RRM2: variants seen among roughly 807,000 people sequenced by gnomAD.
RRM2 encodes ribonucleoside-diphosphate reductase subunit M2.
RRM2 carries 6 observed loss-of-function variants against 45.9 expected under a neutral mutation model. The ratio of observed to expected loss-of-function variants is 0.13; its 90% CI spans 0.07 to 0.26. The LOEUF (loss-of-function observed/expected upper bound fraction) is 0.26. RRM2 is among the 10% of genes least tolerant of loss of function. RRM2 has a pLI of 1.00. For missense variants in RRM2, 343 were observed against 489.5 expected, an observed-to-expected ratio of 0.70 and a Z score of 2.82; for synonymous variants, 177 against 173.0, an observed-to-expected ratio of 1.02 and a Z score of -0.18.
At chr2:10,193,492 A>C (rs1664352555) in intron 3 of RRM2, among the ~76,000 whole-genome samples, 1 of 152,192 alleles carries the variant, frequency 6.6e-6, no homozygotes, top group Admixed American at 6.5e-5. Flanking sequence ...ACTCCTCTGC[A>C]AACAGCCTCT....
intron 3 of RRM2, among the ~76,000 whole-genome samples, chr2:10,203,152 G>A (rs943120802): frequency 1.3e-5 from 2 of 152,188 alleles, no homozygotes; most frequent in Non-Finnish European, 2.9e-5. Context: ...CATCTGGCTC[G>A]GAAAGCAGTA....
At chr2:10,187,327 T>A (rs1045949738) in intron 3 of RRM2, among the ~76,000 whole-genome samples, 1 of 152,172 alleles carries the variant, frequency 6.6e-6, no homozygotes. Context: ...GGACCCTCCT[T>A]CCTACCTCTG....
intron 3 of RRM2, among the ~76,000 whole-genome samples, chr2:10,189,099 G>A (rs1664229731): frequency 1.3e-5 from 2 of 152,004 alleles, no homozygotes; most frequent in Non-Finnish European, 2.9e-5. Context: ...GCACAGGAGG[G>A]CTAAGCGAGG....
intron 3 of RRM2, among the ~76,000 whole-genome samples, chr2:10,144,198 G>A (rs777693275): frequency 7.9e-5 from 12 of 152,226 alleles, no homozygotes; most frequent in East Asian, 1.9e-4. Context: ...ACTCTGGGCC[G>A]GGTCTGGGGC....
At chr2:10,160,456 C>T (rs551155020) in intron 3 of RRM2, among the ~76,000 whole-genome samples, 71 of 152,304 alleles carry the variant, frequency 4.7e-4, no homozygotes, top group Admixed American at 1.2e-3. Flanking sequence ...TTGAGCAAAT[C>T]GACCGAAGGT....
At chr2:10,152,921 T>C (rs890755732) in intron 3 of RRM2, among the ~76,000 whole-genome samples, 2 of 152,166 alleles carry the variant, frequency 1.3e-5, no homozygotes, top group African/African-American at 4.8e-5. Flanking sequence ...AGAACTACCA[T>C]ATGACTGACC....
chr2:10,183,098 G>A (rs1281914700), intron 3 of RRM2, among the ~76,000 whole-genome samples: 1 of 152,208 alleles, frequency 6.6e-6, no homozygotes, highest in East Asian at 1.9e-4. Flanking sequence ...TTGAGCCCTG[G>A]AATTCGAGAC....
At chr2:10,152,334 T>C (rs1056309252) in intron 3 of RRM2, among the ~76,000 whole-genome samples, 2 of 152,190 alleles carry the variant, frequency 1.3e-5, no homozygotes, top group African/African-American at 4.8e-5. Context: ...ATCAGATATA[T>C]GACTTGTAAA....
At chr2:10,182,446 G>A (rs1475111042) in intron 3 of RRM2, among the ~76,000 whole-genome samples, 2 of 152,100 alleles carry the variant, frequency 1.3e-5, no homozygotes, top group African/African-American at 2.4e-5. Flanking sequence ...CTCACAGGTC[G>A]TTTTAAGCCA....
chr2:10,178,945 C>T (rs913870912), intron 3 of RRM2, among the ~76,000 whole-genome samples: 5 of 152,102 alleles, frequency 3.3e-5, no homozygotes, highest in South Asian at 2.1e-4. Context: ...CAACAGACAC[C>T]GATTCTGCTG....
chr2:10,132,745 A>G (rs1662923805), downstream of RRM2, among the ~76,000 whole-genome samples: 1 of 152,170 alleles, frequency 6.6e-6, no homozygotes, highest in Non-Finnish European at 1.5e-5. Flanking sequence ...AGGTCATTTG[A>G]TTTGTAATGT....
chr2:10,202,609 G>A (rs1017907850), intron 3 of RRM2, among the ~76,000 whole-genome samples: 4 of 151,158 alleles, frequency 2.6e-5, no homozygotes, highest in African/African-American at 7.3e-5. Flanking sequence ...GTTTCTGGTC[G>A]GCAGGGAAGT....
intron 3 of RRM2, among the ~76,000 whole-genome samples, chr2:10,183,748 T>C (rs1382703069): frequency 6.6e-6 from 1 of 151,256 alleles, no homozygotes; most frequent in East Asian, 1.9e-4. Context: ...TGAGCTGAGA[T>C]TGCGCCACCG....
rs139499076 is a variant in RRM2 at position 10,205,929 on chromosome 2, A to G, written n.483-4382A>G. Among the ~76,000 whole-genome samples the G allele has an allele frequency of 8.0e-3, 1,211 of 152,036 alleles. 22 individuals are homozygous for G. Among genetic ancestry groups the G allele is most frequent in the African/African-American group, 0.028 (1,166 of 41,514 alleles). On this transcript the variant is annotated intron_variant and non_coding_transcript_variant, in intron 3 of 3. Transcript: ENST00000381786. This position sits in a 1 kb window ranked among gnomAD's most constrained non-coding sequence, Gnocchi z 4.8. ...GCTGGTCTCGAACTCCTGACCTCAT[A>G]TGATCCTCCCGCCTTGGCTTCCCAA... is the stretch of plus-strand genomic sequence containing the variant.
intron 3 of RRM2, among the ~76,000 whole-genome samples, chr2:10,200,403 C>T (rs1664524469): frequency 2.0e-5 from 3 of 151,380 alleles, no homozygotes; most frequent in Non-Finnish European, 2.9e-5. Flanking sequence ...AGGGACTGCG[C>T]GCACAAAATA....
intron 3 of RRM2, among the ~76,000 whole-genome samples, chr2:10,178,999 T>C (rs969812920): frequency 2.6e-5 from 4 of 152,122 alleles, no homozygotes; most frequent in African/African-American, 9.7e-5. Context: ...CTGTGAGCAA[T>C]AAGTTTCTGC....
intron 3 of RRM2, among the ~76,000 whole-genome samples, chr2:10,147,674 A>G (rs1437142369): frequency 6.6e-5 from 10 of 152,216 alleles, no homozygotes; most frequent in African/African-American, 2.4e-4. Flanking sequence ...TCCTTTTTCA[A>G]TAGTATGTTT....
chr2:10,141,863 G>A, exon 2 of RRM2: 1 of 1,560,346 alleles, frequency 6.4e-7, no homozygotes, highest in Non-Finnish European at 8.7e-7. Flanking sequence ...GGTGCTGGGA[G>A]ACCGTGAAGT....
rs146976575 is a variant in RRM2, at chr2:10,159,458, G to A, written n.482+17083G>A. On this transcript the variant is annotated intron_variant and non_coding_transcript_variant, in intron 3 of 3. Coordinates refer to the RRM2 transcript ENST00000381786. Reference sequence around the variant, plus strand: ...CAGGAGACTGAGGTCTGGCCTAGGCGGGTCTCTCCTCCGACTCAGTTCCAT... The same window carrying A: ...CAGGAGACTGAGGTCTGGCCTAGGCAGGTCTCTCCTCCGACTCAGTTCCAT... Among the ~76,000 whole-genome samples the A allele has an allele frequency of 1.5e-3, 234 of 152,278 alleles. 2 individuals carry two copies. The highest frequency in any genetic ancestry group is 5.4e-3 in the East Asian group (28 of 5,170).
Sources: gnomAD v4.1 joint callset for allele counts (sites outside exome capture counted in the v4.1 genomes callset) on GRCh38, gnomAD v4.1.1 for gene constraint, Gnocchi (gnomAD v3.1) non-coding constraint, MANE v1.5 for transcripts, NCBI Gene and HGNC (gene_info 2026-07-23, HGNC 2026-07-21) for gene names.